Variants in LRFN5 observed in about 807,000 individuals in gnomAD.
LRFN5 encodes the protein leucine rich repeat and fibronectin type III domain containing 5, also known as leucine-rich repeat and fibronectin type-III domain-containing protein 5.
LRFN5 carries 24 observed loss-of-function variants against 45.6 expected under a neutral mutation model. The observed-to-expected ratio is 0.53, with a 90% CI of 0.38 to 0.74. The LOEUF (loss-of-function observed/expected upper bound fraction) is 0.74. LRFN5 is among the 30% of genes least tolerant of loss of function. LRFN5 has a pLI of 0.00. For synonymous variants in LRFN5, 340 were observed against 313.8 expected (o/e 1.08, Z -0.88); for missense variants, 776 against 861.5 (o/e 0.90, Z 1.24).
At chr14:41,619,831 C>A (rs1888057016) in intron 1 of LRFN5, among the ~76,000 whole-genome samples, 1 of 151,890 alleles carries the variant, frequency 6.6e-6, no homozygotes. Flanking sequence ...TAAAATGGGG[C>A]TAATGTTGAT....
intron 2 of LRFN5, among the ~76,000 whole-genome samples, chr14:41,813,793 A>G (rs984798410): frequency 1.3e-5 from 2 of 152,136 alleles, no homozygotes; most frequent in African/African-American, 4.8e-5. Context: ...GGTTGAACTA[A>G]TTTACATCCC....
chr14:41,900,872 C>T (rs1252737178), intron 5 of LRFN5, among the ~76,000 whole-genome samples: 2 of 152,064 alleles, frequency 1.3e-5, no homozygotes, highest in Non-Finnish European at 2.9e-5. Context: ...TTCACATTGT[C>T]AGTGTGTGAA....
At chr14:41,755,602 G>A (rs1002558954) in intron 1 of LRFN5, among the ~76,000 whole-genome samples, 5 of 151,562 alleles carry the variant, frequency 3.3e-5, no homozygotes, top group Non-Finnish European at 5.9e-5. Flanking sequence ...GCCTTTTTTT[G>A]TTTTCCATTT....
chr14:41,827,710 A>G (rs1268536587), intron 2 of LRFN5, among the ~76,000 whole-genome samples: 1 of 152,156 alleles, frequency 6.6e-6, no homozygotes, highest in African/African-American at 2.4e-5. Context: ...TTATATTTGA[A>G]TAAGATTACT....
chr14:41,738,767 C>T (rs61992379), intron 1 of LRFN5, among the ~76,000 whole-genome samples: 25,237 of 152,028 alleles, frequency 0.17, 2,191 homozygotes, highest in Admixed American at 0.19. Flanking sequence ...TAACTTTTAG[C>T]AATTTATTTA....
intron 1 of LRFN5, among the ~76,000 whole-genome samples, chr14:41,617,034 A>G (rs1887950033): frequency 6.6e-6 from 1 of 152,140 alleles, no homozygotes; most frequent in East Asian, 1.9e-4. Flanking sequence ...TAAGAAAATA[A>G]TAAGATTGCT....
At chr14:41,708,191 C>T (rs2138740331) in intron 1 of LRFN5, among the ~76,000 whole-genome samples, 1 of 151,920 alleles carries the variant, frequency 6.6e-6, no homozygotes, top group African/African-American at 2.4e-5. Flanking sequence ...TATCATATTG[C>T]ATATTAAATA....
chr14:41,634,362 G>A (rs929660140), intron 1 of LRFN5, among the ~76,000 whole-genome samples: 4 of 152,088 alleles, frequency 2.6e-5, no homozygotes, highest in Non-Finnish European at 4.4e-5. Context: ...TTCTAGTGAT[G>A]GAATCATCCA....
At chr14:41,664,114 C>T (rs1348123862) in intron 1 of LRFN5, among the ~76,000 whole-genome samples, 2 of 151,962 alleles carry the variant, frequency 1.3e-5, no homozygotes, top group Non-Finnish European at 2.9e-5. Context: ...AAATTAAACT[C>T]TCCCTACAAG....
At chr14:41,655,571 T>C (rs574360949) in intron 1 of LRFN5, among the ~76,000 whole-genome samples, 1 of 152,106 alleles carries the variant, frequency 6.6e-6, no homozygotes, top group East Asian at 1.9e-4. Flanking sequence ...TTAGAAAGTT[T>C]TGAGAATAGT....
chr14:41,770,794 G>A (rs534706232), intron 2 of LRFN5, among the ~76,000 whole-genome samples: 2 of 152,174 alleles, frequency 1.3e-5, no homozygotes, highest in African/African-American at 2.4e-5. Context: ...GGAGGACAAT[G>A]GTTTCCTTCC....
At chr14:41,746,973 A>T (rs1884946495) in intron 1 of LRFN5, among the ~76,000 whole-genome samples, 1 of 152,016 alleles carries the variant, frequency 6.6e-6, no homozygotes. Flanking sequence ...CAGAAAGAAT[A>T]AAAGAGTTAG....
At chr14:41,619,939 G>A (rs1888061883) in intron 1 of LRFN5, among the ~76,000 whole-genome samples, 1 of 151,916 alleles carries the variant, frequency 6.6e-6, no homozygotes, top group South Asian at 2.1e-4. Context: ...AACAGCACTA[G>A]CAATTATTAT....
intron 1 of LRFN5, chr14:41,700,432 T>G (rs187602846): frequency 6.6e-6 from 1 of 152,164 alleles, no homozygotes; most frequent in East Asian, 1.9e-4. Flanking sequence ...AAGGCATGGT[T>G]ATATGAAGCG....
chr14:41,835,708 CAG>C (rs1888638880), intron 2 of LRFN5, among the ~76,000 whole-genome samples: 1 of 151,950 alleles, frequency 6.6e-6, no homozygotes, highest in Non-Finnish European at 1.5e-5. Flanking sequence ...CCTGGCATGA[CAG>C]AGTGGGACCA....
At chr14:41,893,193 T>C in intron 4 of LRFN5, 5 of 980,036 alleles carry the variant, frequency 5.1e-6, no homozygotes, top group Non-Finnish European at 6.1e-6. Context: ...TTAGTGAGAA[T>C]ACATAATTTT....
At chr14:41,723,382 G>A (rs1883804642) in intron 1 of LRFN5, among the ~76,000 whole-genome samples, 1 of 151,872 alleles carries the variant, frequency 6.6e-6, no homozygotes, top group East Asian at 1.9e-4. Flanking sequence ...GGTGTGGCTT[G>A]GGCTACTGAA....
intron 2 of LRFN5, among the ~76,000 whole-genome samples, chr14:41,789,193 T>C: frequency 6.6e-6 from 1 of 152,066 alleles, no homozygotes; most frequent in East Asian, 1.9e-4. Flanking sequence ...TCAAATATTT[T>C]CTTGTCTTTT....
At chr14:41,877,858 C>T (rs190611321) in intron 2 of LRFN5, among the ~76,000 whole-genome samples, 66 of 152,242 alleles carry the variant, frequency 4.3e-4, no homozygotes, top group African/African-American at 1.5e-3. Context: ...TTGCTAAACA[C>T]ATCTTCCCGA....
Sources: gnomAD v4.1 joint callset for allele counts (sites outside exome capture counted in the v4.1 genomes callset) on GRCh38, gnomAD v4.1.1 for gene constraint, MANE v1.5 for transcripts, NCBI Gene and HGNC (gene_info 2026-07-23, HGNC 2026-07-21) for gene names.